The following EIF3F variants were observed in gnomAD, a reference collection of about 807,000 sequenced individuals.
The protein encoded by EIF3F is deubiquitinating enzyme eIF3f.
A neutral mutation model predicts 36.0 loss-of-function variants in EIF3F; 8 were observed. The observed-to-expected ratio is 0.22, with a 90% CI of 0.13 to 0.40. The LOEUF is 0.40. Ranked by LOEUF, EIF3F falls within the 10% of genes least tolerant of loss-of-function variation. The pLI, the probability that EIF3F is intolerant of heterozygous loss-of-function variation, is 1.00. For synonymous variants in EIF3F, 184 were observed against 188.5 expected (o/e 0.98, Z 0.19); for missense variants, 430 against 467.6 (o/e 0.92, Z 0.74).
At chr11:7,989,805 C>T (rs1015938683) in intron 1 of EIF3F, among the ~76,000 whole-genome samples, 1 of 152,126 alleles carries the variant, frequency 6.6e-6, no homozygotes, top group African/African-American at 2.4e-5. Flanking sequence ...TATAAAAAAG[C>T]CTGGTAAATC....
chr11:7,998,707 T>C lies in EIF3F; in HGVS notation c.*2685T>C, dbSNP rs543014928. On this transcript the variant is annotated 3_prime_UTR_variant, in exon 8 of 8. Coordinates refer to ENST00000651655, the MANE Select transcript of EIF3F (RefSeq NM_003754.3). Reference sequence around the variant, plus strand: ...AATTGACTATTATGTGTGTGTATATTATATATATGATAAAAAACAAAAGAA... The same window carrying C: ...AATTGACTATTATGTGTGTGTATATCATATATATGATAAAAAACAAAAGAA... The C allele has an allele frequency of 1.9e-4, 29 of 152,278 alleles. No homozygotes were observed. Among genetic ancestry groups the C allele is most frequent in the African/African-American group, 7.0e-4 (29 of 41,560 alleles). 9.4% of individuals were successfully genotyped at this position (152,278 alleles called of 1,614,324 possible).
chr11:7,993,862 C>CT (rs1942128673), intron 4 of EIF3F, among the ~76,000 whole-genome samples: 1 of 147,106 alleles, frequency 6.8e-6, no homozygotes, highest in Non-Finnish European at 1.5e-5. Flanking sequence ...CCAGTATATA[C>CT]AATATATATA....
At chr11:7,993,073 A>C (rs752707763) in intron 4 of EIF3F, 49 bp downstream of exon 4, 2 of 1,510,016 alleles carry the variant, frequency 1.3e-6, no homozygotes, top group Non-Finnish European at 1.8e-6. Flanking sequence ...CCCAGATGCC[A>C]TCCCTCCCCC....
Position 7,996,911 on chromosome 11 carries a change from T to C in EIF3F, c.*889T>C, listed in dbSNP as rs559167820. 2.0e-4 allele frequency: 30 copies of C among 152,300 alleles called. No individual in the cohort carries two copies. The highest frequency in any genetic ancestry group is 5.3e-4 in the African/African-American group (22 of 41,544). The allele number at this position is 152,300 out of a possible 1,614,324, so 9.4% of individuals were successfully genotyped here. A position where few individuals can be genotyped will look rare whatever the true frequency, so the allele number is the denominator to read the frequency against. On this transcript the variant is annotated 3_prime_UTR_variant, in exon 8 of 8. Transcript: ENST00000651655. ...GATAAATTATAAGAGTCATAAGATA[T>C]GGATCATAAACATACATAGTCCATT... is the stretch of plus-strand genomic sequence containing the variant.
rs1411535108 is a variant in EIF3F at position 8,001,382 on chromosome 11, C to T, written c.*5360C>T. The T allele has an allele frequency of 2.6e-5, 4 of 152,074 alleles. No homozygotes were observed. The highest frequency in any genetic ancestry group is 5.9e-5 in the Non-Finnish European group (4 of 68,026). 9.4% of individuals were successfully genotyped at this position (152,074 alleles called of 1,614,324 possible). The stretch of plus-strand genomic sequence containing the variant: ...GGAATTCCACTCCTCATTATATATC[C>T]TACAAATAAACTGGTCTCGTTATGA... On this transcript the variant is annotated 3_prime_UTR_variant, in exon 8 of 8. Coordinates refer to ENST00000651655, the MANE Select transcript of EIF3F (RefSeq NM_003754.3).
Position 7,992,121 on chromosome 11 carries a change from A to T in EIF3F, c.473A>T (p.Glu158Val). The T allele has an allele frequency of 6.2e-6, 10 of 1,613,834 alleles. No homozygotes were observed. The highest frequency in any genetic ancestry group is 8.5e-6 in the Non-Finnish European group (10 of 1,180,012). ...VDMEFAKNMY[E>V]LHKKVSPNEL... Reference sequence around the variant, plus strand: ...ATGGAATTTGCTAAGAATATGTATGAACTGCATAAAAAAGTTTCTCCAAAT... The same window carrying T: ...ATGGAATTTGCTAAGAATATGTATGTACTGCATAAAAAAGTTTCTCCAAAT... Residue 158 changes from glutamate to valine, a missense_variant, in exon 3 of 8, where the codon GAA becomes GTA. Glu to Val is a moderately radical substitution (Grantham distance 121). Coordinates refer to ENST00000651655, the MANE Select transcript of EIF3F (RefSeq NM_003754.3).
In EIF3F at chr11:7,987,510, C is replaced by A; in HGVS notation, c.158C>A (p.Ala53Glu). The A allele has an allele frequency of 6.2e-7, 1 of 1,606,120 alleles. No homozygotes were observed. Among genetic ancestry groups the A allele is most frequent in the Non-Finnish European group, 8.5e-7 (1 of 1,177,654 alleles). Residue 53 changes from alanine (A) to glutamate (E), a missense_variant, in exon 1 of 8, where the codon GCG becomes GAG. Coordinates refer to ENST00000651655, the MANE Select transcript of EIF3F (RefSeq NM_003754.3). ...PASSSDPAAA[A>E]AATAAPGQTP... Reference sequence around the variant, plus strand: ...TCATCCTCAGACCCTGCGGCAGCAGCGGCTGCAACTGCGGCTCCTGGCCAG... The same window carrying A: ...TCATCCTCAGACCCTGCGGCAGCAGAGGCTGCAACTGCGGCTCCTGGCCAG...
At position 7,996,642 on chromosome 11, in the gene EIF3F, C is replaced by T. The variant is rs1034561637; in HGVS notation, c.*620C>T. The stretch of plus-strand genomic sequence containing the variant: ...GTTATACTGAGGTCTGCCAGTGGCT[C>T]AATTTAAGCAAAGACTAGATGGCAT... On this transcript the variant is annotated 3_prime_UTR_variant, in exon 8 of 8. Coordinates refer to ENST00000651655, the MANE Select transcript of EIF3F (RefSeq NM_003754.3). 5 of 152,210 alleles carry T rather than the reference C, an allele frequency of 3.3e-5. No individual in the cohort carries two copies. Among genetic ancestry groups the T allele is most frequent in the African/African-American group, 1.2e-4 (5 of 41,436 alleles). 9.4% of individuals were successfully genotyped at this position (152,210 alleles called of 1,614,324 possible).
rs561991135 is a variant in EIF3F, at chr11:7,992,612, C to G, written c.516-275C>G. On this transcript the variant is annotated intron_variant, in intron 3 of 7. Transcript: ENST00000651655. ...AAGGAAAGTGTGTTACCTGTAGGAA[C>G]TGTGAATTCAGTGGGTTTTGCTGGT... 6.4e-5 allele frequency: 32 copies of G among 496,540 alleles called. No homozygotes were observed. The South Asian group carries it at 6.8e-4, about 11-fold the overall frequency. The allele number at this position is 496,540 out of a possible 1,614,324, so 30.8% of individuals were successfully genotyped here.
At position 7,999,942 on chromosome 11, in the gene EIF3F, G is replaced by T. The variant is rs141023791; in HGVS notation, c.*3920G>T. 1.3e-5 allele frequency: 2 copies of T among 152,252 alleles called. No individual in the cohort carries two copies. Among genetic ancestry groups the T allele is most frequent in the African/African-American group, 4.8e-5 (2 of 41,454 alleles). The allele number at this position is 152,252 out of a possible 1,614,324, so 9.4% of individuals were successfully genotyped here. On this transcript the variant is annotated 3_prime_UTR_variant, in exon 8 of 8. Transcript: ENST00000651655. Reference sequence around the variant, plus strand: ...GATAGGGCTGAGCGCGGTGGCCCACGCCTGTAATCCCAGCACTTTGGGAGG... The same window carrying T: ...GATAGGGCTGAGCGCGGTGGCCCACTCCTGTAATCCCAGCACTTTGGGAGG...
chr11:7,996,749 C>G lies in EIF3F; in HGVS notation c.*727C>G, dbSNP rs573324079. 1 of 152,172 alleles carries G rather than the reference C, an allele frequency of 6.6e-6. No homozygotes were observed. Among genetic ancestry groups the G allele is most frequent in the Non-Finnish European group, 1.5e-5 (1 of 68,028 alleles). 9.4% of individuals were successfully genotyped at this position (152,172 alleles called of 1,614,324 possible). ...CCTCTGGTATCCTGGAGTTCCGCCT[C>G]GCCACTGTGTGTCTTAGAAATAAGT... On this transcript the variant is annotated 3_prime_UTR_variant, in exon 8 of 8. Transcript: ENST00000651655.
intron 7 of EIF3F, 170 bp downstream of exon 7, chr11:7,995,537 G>T (rs529752404): frequency 1.1e-5 from 7 of 642,110 alleles, no homozygotes; most frequent in Non-Finnish European, 2.0e-5. Flanking sequence ...TGTGTTATGC[G>T]TGGTTGGAGA....
At chr11:7,989,549 T>A (rs1001074196) in intron 1 of EIF3F, among the ~76,000 whole-genome samples, 1 of 152,228 alleles carries the variant, frequency 6.6e-6, no homozygotes, top group Admixed American at 6.5e-5. Context: ...GTGCTTTTTT[T>A]GTACCATAAA....
chr11:7,990,330 C>G (rs542415525), intron 1 of EIF3F, among the ~76,000 whole-genome samples: 2 of 152,164 alleles, frequency 1.3e-5, no homozygotes, highest in African/African-American at 4.8e-5. Context: ...CTATAAAGGT[C>G]CAGACGGTAA....
Position 7,997,895 on chromosome 11 carries a change from A to T in EIF3F, c.*1873A>T, listed in dbSNP as rs998848606. 6 of 152,212 alleles carry T rather than the reference A, an allele frequency of 3.9e-5. No individual in the cohort carries two copies. The highest frequency in any genetic ancestry group is 7.3e-5 in the Non-Finnish European group (5 of 68,032). The allele number at this position is 152,212 out of a possible 1,614,324, so 9.4% of individuals were successfully genotyped here. On this transcript the variant is annotated 3_prime_UTR_variant, in exon 8 of 8. Transcript: ENST00000651655. ...TTTCCTTGTCATTTTTCCCTAAACA[A>T]TACAAAGTATTAGATGGTGTTTATA...
At position 7,994,499 on chromosome 11, in the gene EIF3F, G is replaced by A. The variant is rs778672688; in HGVS notation, c.727G>A (p.Asp243Asn). 9.9e-6 allele frequency: 16 copies of A among 1,613,776 alleles called. No homozygotes were observed. The Admixed American group carries it at 1.5e-4, about 15-fold the overall frequency. ...TPLTVKYAYY[D>N]TERIGVDLIM... ...TCTGACAGTGAAATACGCGTACTACGACACTGAACGCATCGGAGGTGAGTA... is the reference window on the plus strand; with the variant it reads ...TCTGACAGTGAAATACGCGTACTACAACACTGAACGCATCGGAGGTGAGTA... Residue 243 changes from aspartate (D) to asparagine (N), a missense_variant, in exon 5 of 8, where the codon GAC becomes AAC. By Grantham distance (23) the Asp-to-Asn change is conservative (BLOSUM62 1). Coordinates refer to ENST00000651655, the MANE Select transcript of EIF3F (RefSeq NM_003754.3).
At chr11:7,988,339 A>G (rs1314117226) in intron 1 of EIF3F, among the ~76,000 whole-genome samples, 1 of 152,200 alleles carries the variant, frequency 6.6e-6, no homozygotes, top group Non-Finnish European at 1.5e-5. Context: ...GTCCCCTAAT[A>G]TTAGTACCTA....
intron 1 of EIF3F, among the ~76,000 whole-genome samples, chr11:7,990,370 C>G (rs574702076): frequency 6.6e-6 from 1 of 152,310 alleles, no homozygotes; most frequent in South Asian, 2.1e-4. Flanking sequence ...CAGTCTCTAT[C>G]ACAACTACTT....
At chr11:7,995,695 C>T (rs557025622) in intron 7 of EIF3F, 5 of 586,904 alleles carry the variant, frequency 8.5e-6, no homozygotes, top group East Asian at 8.5e-5. Flanking sequence ...GTTCACAGAC[C>T]CCCTATATTC....
Sources: allele counts gnomAD v4.1 joint callset (sites outside exome capture counted in the v4.1 genomes callset), GRCh38; gene constraint gnomAD v4.1.1; transcripts MANE v1.5; gene names NCBI Gene and HGNC (gene_info 2026-07-23, HGNC 2026-07-21).